The following OR52K1 variants were observed in gnomAD, a reference collection of about 807,000 sequenced individuals.
OR52K1 encodes olfactory receptor family 52 subfamily K member 1.
OR52K1 carries 10 observed loss-of-function variants against 8.7 expected under a neutral mutation model. That is an observed-to-expected ratio of 1.15 (90% CI 0.71 to 1.95). The LOEUF (loss-of-function observed/expected upper bound fraction) is 1.95. Among genes scored for constraint, OR52K1 ranks in the 30% most tolerant of loss-of-function variants. The probability of loss-of-function intolerance (pLI) is 0.00; values close to 1 mark genes in which losing one functional copy is unlikely to be tolerated. For synonymous variants in OR52K1, 203 were observed against 148.5 expected (o/e 1.37, Z -2.67); for missense variants, 431 against 397.2 (o/e 1.08, Z -0.72).
At chr11:4,488,000 A>G (rs1846334126) in intron 1 of OR52K1, among the ~76,000 whole-genome samples, 1 of 152,216 alleles carries the variant, frequency 6.6e-6, no homozygotes, top group South Asian at 2.1e-4. Context: ...CAGTCTTGCT[A>G]AAGATGAGAG....
chr11:4,484,390 G>A (rs1442617685), intron 1 of OR52K1, among the ~76,000 whole-genome samples: 1 of 152,174 alleles, frequency 6.6e-6, no homozygotes, highest in Non-Finnish European at 1.5e-5. Context: ...TATGTAGGAT[G>A]ATCCAGTGTG....
chr11:4,483,109 G>C lies in OR52K1; in HGVS notation c.-396G>C. ...AACCCCTGGCAAATGCCCCATCCCA[G>C]TTAAAGGGCTTCTGCATTAGTCAAG... On this transcript the variant is annotated 5_prime_UTR_variant, in exon 1 of 2. Transcript: ENST00000641528. 1 of 398,518 alleles carries C rather than the reference G, an allele frequency of 2.5e-6. No homozygotes were observed. Among genetic ancestry groups the C allele is most frequent in the Non-Finnish European group, 4.4e-6 (1 of 226,012 alleles). 24.7% of individuals were successfully genotyped at this position (398,518 alleles called of 1,614,324 possible). A position where few individuals can be genotyped will look rare whatever the true frequency, so the allele number is the denominator to read the frequency against.
At position 4,489,085 on chromosome 11, in the gene OR52K1, A is replaced by T; in HGVS notation, c.185A>T (p.Tyr62Phe). The T allele has an allele frequency of 6.2e-7, 1 of 1,614,080 alleles. No individual in the cohort carries two copies. Among genetic ancestry groups the T allele is most frequent in the Non-Finnish European group, 8.5e-7 (1 of 1,180,010 alleles). ...GATGCAGCCCTCCATGAACCCATGTACCTCTTTCTGGCCATGTTGGCAACC... is the reference window on the plus strand; with the variant it reads ...GATGCAGCCCTCCATGAACCCATGTTCCTCTTTCTGGCCATGTTGGCAACC... ...QADAALHEPM[Y>F]LFLAMLATID... is the part of the protein sequence containing the mutation. Residue 62 changes from tyrosine (Y) to phenylalanine (F), a missense_variant, in exon 2 of 2, where the codon TAC becomes TTC. Coordinates refer to ENST00000641528, the MANE Select transcript of OR52K1 (RefSeq NM_001005171.3).
At chr11:4,483,199 G>T in intron 1 of OR52K1, 23 bp downstream of exon 1, 1 of 398,568 alleles carries the variant, frequency 2.5e-6, no homozygotes, top group Non-Finnish European at 4.4e-6. Context: ...TTATCTTTGA[G>T]GTTCTTCTAC....
At position 4,489,381 on chromosome 11, in the gene OR52K1, C is replaced by G; in HGVS notation, c.481C>G (p.Leu161Val). 6.2e-7 allele frequency: 1 copy of G among 1,614,224 alleles called. No individual in the cohort carries two copies. Among genetic ancestry groups the G allele is most frequent in the Non-Finnish European group, 8.5e-7 (1 of 1,180,042 alleles). Residue 161 changes from leucine (L) to valine (V), a missense_variant, in exon 2 of 2, where the codon CTC becomes GTC. Transcript: ENST00000641528. ...VARAVTLMTPLPFLLRRFHYC... is the reference protein window; with the variant it reads ...VARAVTLMTPVPFLLRRFHYC... ...CCGGGCTGTGACACTAATGACTCCA[C>G]TCCCCTTCCTGCTCAGACGCTTCCA...
In OR52K1 at chr11:4,490,187, G is replaced by A. The variant is rs1846362397; in HGVS notation, c.*342G>A. 1.3e-5 allele frequency: 3 copies of A among 231,424 alleles called. No individual in the cohort carries two copies. Among genetic ancestry groups the A allele is most frequent in the South Asian group, 8.2e-5 (1 of 12,174 alleles). 14.3% of individuals were successfully genotyped at this position (231,424 alleles called of 1,614,324 possible). ...AAACAGCTGAGTCACCCAAACAGGT[G>A]ACTTCTTTATCCAGGTATGAGTGAG... is the stretch of plus-strand genomic sequence containing the variant. On this transcript the variant is annotated 3_prime_UTR_variant, in exon 2 of 2. Transcript: ENST00000641528.
chr11:4,483,453 AGAG>A (rs1483951453), intron 1 of OR52K1, among the ~76,000 whole-genome samples: 3 of 152,244 alleles, frequency 2.0e-5, no homozygotes, highest in Non-Finnish European at 4.4e-5. Context: ...CTTGCACTAC[AGAG>A]GAGGTCTTAG....
chr11:4,484,925 TCC>T (rs1846309495), intron 1 of OR52K1, among the ~76,000 whole-genome samples: 1 of 152,006 alleles, frequency 6.6e-6, no homozygotes, highest in Non-Finnish European at 1.5e-5. Context: ...GTCCTTTGCT[TCC>T]AAATTCCTCA....
intron 1 of OR52K1, among the ~76,000 whole-genome samples, chr11:4,488,354 C>A (rs1268267622): frequency 6.6e-6 from 1 of 152,030 alleles, no homozygotes; most frequent in Non-Finnish European, 1.5e-5. Flanking sequence ...TAGTAGCAAC[C>A]ATATCAGATA....
intron 1 of OR52K1, among the ~76,000 whole-genome samples, chr11:4,487,850 CAT>C (rs1002060051): frequency 5.9e-5 from 9 of 151,896 alleles, no homozygotes; most frequent in African/African-American, 1.5e-4. Context: ...TTTATACAAA[CAT>C]ATATTTTATA....
rs1424611937 is a variant in OR52K1, at chr11:4,482,987, C to T, written c.-518C>T. On this transcript the variant is annotated 5_prime_UTR_variant, in exon 1 of 2. Coordinates refer to ENST00000641528, the MANE Select transcript of OR52K1 (RefSeq NM_001005171.3). The stretch of plus-strand genomic sequence containing the variant: ...CCCCACCACAGAGGATGCCTGCTTC[C>T]GTCCTATGCCAAACACTGTGGGCCA... 2.5e-6 allele frequency: 1 copy of T among 394,846 alleles called. No homozygotes were observed. The highest frequency in any genetic ancestry group is 4.5e-6 in the Non-Finnish European group (1 of 224,062). 24.5% of individuals were successfully genotyped at this position (394,846 alleles called of 1,614,324 possible).
chr11:4,483,669 A>C (rs1430730700), intron 1 of OR52K1, among the ~76,000 whole-genome samples: 1 of 152,138 alleles, frequency 6.6e-6, no homozygotes, highest in Non-Finnish European at 1.5e-5. Context: ...CAGGGTGGTT[A>C]GTGATGTTTA....
chr11:4,489,640 T>A lies in OR52K1; in HGVS notation c.740T>A (p.Ile247Lys), dbSNP rs748061429. The A allele has an allele frequency of 1.2e-6, 2 of 1,614,102 alleles. No homozygotes were observed. The highest frequency in any genetic ancestry group is 2.7e-5 in the African/African-American group (2 of 74,936). The change falls in exon 2 of 2, where the codon ATA (isoleucine) becomes AAA (lysine). Residue 247 changes from isoleucine (I) to lysine (K), a missense_variant. Physicochemically the swap from Ile to Lys is moderately radical, Grantham distance 102 (BLOSUM62 -3). Coordinates refer to ENST00000641528, the MANE Select transcript of OR52K1 (RefSeq NM_001005171.3). The stretch of plus-strand genomic sequence containing the variant: ...GCATTTGGGACATGTGTGTCTCACA[T>A]AGGTGCCATCCTGTCCACCTACACT... ...YKAFGTCVSH[I>K]GAILSTYTPV...
chr11:4,486,906 T>A, intron 1 of OR52K1, among the ~76,000 whole-genome samples: 1 of 152,144 alleles, frequency 6.6e-6, no homozygotes, highest in East Asian at 1.9e-4. Context: ...GAGAAGGAAG[T>A]GAGACACTCT....
intron 1 of OR52K1, among the ~76,000 whole-genome samples, chr11:4,485,229 T>TA (rs1452039713): frequency 2.6e-5 from 4 of 152,228 alleles, no homozygotes; most frequent in Non-Finnish European, 5.9e-5. Flanking sequence ...CCCTTGCGAA[T>TA]ATCTCAGTGT....
At chr11:4,484,694 C>CA (rs1846306041) in intron 1 of OR52K1, among the ~76,000 whole-genome samples, 1 of 151,992 alleles carries the variant, frequency 6.6e-6, no homozygotes, top group Non-Finnish European at 1.5e-5. Flanking sequence ...GATCAACCAG[C>CA]AGACCACCTA....
At position 4,483,363 on chromosome 11, in the gene OR52K1, C is replaced by CT. The variant is rs1242323661; in HGVS notation, c.-329+193dup. On this transcript the variant is annotated intron_variant, in intron 1 of 1. Transcript: ENST00000641528. ...TTGAGTCCATTCTGGGTACAGAGGC[C>CT]TTTTTTAAGGAGAAATAGAAGATAA... 4.6e-5 allele frequency among the ~76,000 whole-genome samples: 7 copies of CT among 152,196 alleles called. 1 individual carries two copies. Among genetic ancestry groups the CT allele is most frequent in the South Asian group, 4.1e-4 (2 of 4,822 alleles).
rs1174769191 is a variant in OR52K1 at position 4,488,918 on chromosome 11, C to T, written c.18C>T (p.Ile6=). 1 of 1,613,476 alleles carries T rather than the reference C, an allele frequency of 6.2e-7. No homozygotes were observed. Among genetic ancestry groups the T allele is most frequent in the Admixed American group, 1.7e-5 (1 of 59,988 alleles). The part of the protein sequence containing the change: MLPSN[I]TSTHPAVFLL... ...CAGGAGCCATGCTTCCCTCTAATAT[C>T]ACCTCAACACATCCAGCTGTCTTTT... Residue 6 remains isoleucine (I), a synonymous_variant, in exon 2 of 2, where the codon ATC becomes ATT. Transcript: ENST00000641528.
At chr11:4,486,397 C>T (rs1846321158) in intron 1 of OR52K1, among the ~76,000 whole-genome samples, 1 of 152,186 alleles carries the variant, frequency 6.6e-6, no homozygotes, top group East Asian at 1.9e-4. Flanking sequence ...TCCATATTCT[C>T]TTTCCTGTTC....
Sources: allele counts gnomAD v4.1 joint callset (sites outside exome capture counted in the v4.1 genomes callset), GRCh38; gene constraint gnomAD v4.1.1; transcripts MANE v1.5; gene names NCBI Gene and HGNC (gene_info 2026-07-23, HGNC 2026-07-21).